The following FAM78B variants were observed in gnomAD, a reference collection of about 807,000 sequenced individuals.
FAM78B encodes family with sequence similarity 78 member B.
FAM78B carries 10 observed loss-of-function variants against 20.0 expected under a neutral mutation model. That is an observed-to-expected ratio of 0.50 (90% CI 0.31 to 0.85). The LOEUF (loss-of-function observed/expected upper bound fraction) is 0.85, where lower values mean the gene tolerates loss of function less well. Ranked by LOEUF, FAM78B falls within the 40% of genes least tolerant of loss-of-function variation. FAM78B has a pLI of 0.05. For synonymous variants in FAM78B, 135 were observed against 132.8 expected (o/e 1.02, Z -0.12); for missense variants, 283 against 345.0 (o/e 0.82, Z 1.42).
At chr1:166,134,007 G>A (rs1187852000) in intron 1 of FAM78B, among the ~76,000 whole-genome samples, 1 of 152,102 alleles carries the variant, frequency 6.6e-6, no homozygotes, top group Non-Finnish European at 1.5e-5. Context: ...ACTGAGCCCA[G>A]ACCTGCCTAA....
intron 1 of FAM78B, among the ~76,000 whole-genome samples, chr1:166,087,983 C>G (rs564926276): frequency 6.6e-6 from 1 of 152,260 alleles, no homozygotes; most frequent in South Asian, 2.1e-4. Flanking sequence ...GTACTTGTGT[C>G]TGCTGCTTTT....
intron 1 of FAM78B, among the ~76,000 whole-genome samples, chr1:166,131,697 T>C (rs1477352055): frequency 1.3e-5 from 2 of 152,124 alleles, no homozygotes; most frequent in South Asian, 2.1e-4. Context: ...TTCCATGTCA[T>C]TGGGGTTCAG....
At chr1:166,060,775 A>C in intron 2 of FAM78B, 3 of 557,524 alleles carry the variant, frequency 5.4e-6, no homozygotes, top group Non-Finnish European at 7.9e-6. Context: ...AATAGATTTC[A>C]AGGGGAGATG....
intron 1 of FAM78B, among the ~76,000 whole-genome samples, chr1:166,076,966 A>T (rs1652299427): frequency 6.6e-6 from 1 of 152,220 alleles, no homozygotes; most frequent in Admixed American, 6.5e-5. Context: ...TCACATGGCC[A>T]GAGACAAAGA....
chr1:166,161,396 C>T (rs1163010022), intron 1 of FAM78B, among the ~76,000 whole-genome samples: 1 of 152,184 alleles, frequency 6.6e-6, no homozygotes, highest in East Asian at 1.9e-4. Flanking sequence ...GATCCACCTG[C>T]CTCGGCCTCC....
At chr1:166,162,141 G>T (rs979024140) in intron 1 of FAM78B, among the ~76,000 whole-genome samples, 8 of 152,204 alleles carry the variant, frequency 5.3e-5, no homozygotes, top group African/African-American at 1.9e-4. Context: ...TCTCAAAAGT[G>T]TCTGAGGGAT....
intron 1 of FAM78B, among the ~76,000 whole-genome samples, chr1:166,137,697 A>T (rs1317970636): frequency 6.6e-6 from 1 of 152,230 alleles, no homozygotes; most frequent in East Asian, 1.9e-4. Context: ...TTGAGTTCTG[A>T]GGCCATGTTC....
chr1:166,071,462 T>C (rs1044252073), intron 1 of FAM78B, among the ~76,000 whole-genome samples: 7 of 152,344 alleles, frequency 4.6e-5, no homozygotes, highest in Middle Eastern at 3.4e-3. Context: ...ACAGCTTAGT[T>C]TGGCAAACTT....
chr1:166,134,691 T>G (rs1463824568), intron 1 of FAM78B, among the ~76,000 whole-genome samples: 2 of 152,160 alleles, frequency 1.3e-5, no homozygotes, highest in East Asian at 3.9e-4. Flanking sequence ...TGTTCCTGAT[T>G]GTGGTGTCAC....
chr1:166,066,202 A>C (rs1053228954), downstream of FAM78B, among the ~76,000 whole-genome samples: 3 of 152,196 alleles, frequency 2.0e-5, no homozygotes, highest in Non-Finnish European at 4.4e-5. Context: ...TTCTGATGCC[A>C]GGAGAGCAGA....
At chr1:166,110,721 G>A (rs751695332) in intron 1 of FAM78B, among the ~76,000 whole-genome samples, 40 of 152,286 alleles carry the variant, frequency 2.6e-4, no homozygotes, top group African/African-American at 1.2e-4. Context: ...GAGCCTATGC[G>A]CCCAACTATT....
At chr1:166,087,952 G>C (rs1652900048) in intron 1 of FAM78B, among the ~76,000 whole-genome samples, 1 of 152,154 alleles carries the variant, frequency 6.6e-6, no homozygotes, top group Non-Finnish European at 1.5e-5. Context: ...GAGCATTCTG[G>C]GGTGCTGGGG....
intron 1 of FAM78B, among the ~76,000 whole-genome samples, chr1:166,085,609 C>T (rs1652797836): frequency 6.6e-6 from 1 of 152,218 alleles, no homozygotes; most frequent in African/African-American, 2.4e-5. Context: ...GTCTGCTGGG[C>T]ACAGCGTGTG....
intron 1 of FAM78B, among the ~76,000 whole-genome samples, chr1:166,124,488 G>A (rs561311706): frequency 6.6e-6 from 1 of 152,180 alleles, no homozygotes; most frequent in Non-Finnish European, 1.5e-5. Context: ...ACTACTAATA[G>A]CAAGTGGAGC....
At position 166,135,454 on chromosome 1, in the gene FAM78B, C is replaced by T. The variant is rs943084062; in HGVS notation, c.263+30532G>A. 5.9e-5 allele frequency among the ~76,000 whole-genome samples: 9 copies of T among 152,324 alleles called. No homozygotes were observed. The South Asian group carries it at 1.0e-3, about 18-fold the overall frequency. On this transcript the variant is annotated intron_variant, in intron 1 of 1. Coordinates refer to ENST00000354422, the MANE Select transcript of FAM78B (RefSeq NM_001017961.5). ...CCTGATGATGATTCACATCGCACTA[C>T]CTGAATCCTTCCACATCAGGATTTA...
chr1:166,084,800 G>A (rs527926027), intron 1 of FAM78B, among the ~76,000 whole-genome samples: 4 of 152,278 alleles, frequency 2.6e-5, no homozygotes, highest in East Asian at 1.9e-4. Flanking sequence ...TGCCACCTGC[G>A]CATCAGGTGG....
chr1:166,104,621 C>G (rs887001799), intron 1 of FAM78B, among the ~76,000 whole-genome samples: 1 of 152,074 alleles, frequency 6.6e-6, no homozygotes, highest in Non-Finnish European at 1.5e-5. Context: ...CAAAGAGAAT[C>G]AAATAGCTAG....
chr1:166,155,489 C>G (rs146495150), intron 1 of FAM78B, among the ~76,000 whole-genome samples: 1 of 152,262 alleles, frequency 6.6e-6, no homozygotes, highest in East Asian at 1.9e-4. Flanking sequence ...GTAAGTTGCT[C>G]ATGGTTTCAC....
rs746703757 is a variant in FAM78B, at chr1:166,060,533, C to T, written c.*540G>A. ...GAAGGCGAGGAGGTAGGCAGGATGG[C>T]ACACATTTTAATGGGAAATCAGCTG... is the stretch of plus-strand genomic sequence containing the variant. On this transcript the variant is annotated 3_prime_UTR_variant and NMD_transcript_variant, in exon 3 of 3. Transcript: ENST00000435676. 5.0e-5 allele frequency: 56 copies of T among 1,126,892 alleles called. No individual in the cohort carries two copies. In the African/African-American group the frequency reaches 8.3e-4, roughly 17 times the overall value. The allele number at this position is 1,126,892 out of a possible 1,614,324, so 69.8% of individuals were successfully genotyped here.
Sources: allele counts gnomAD v4.1 joint callset (sites outside exome capture counted in the v4.1 genomes callset), GRCh38; gene constraint gnomAD v4.1.1; transcripts MANE v1.5; gene names NCBI Gene and HGNC (gene_info 2026-07-23, HGNC 2026-07-21).